CNTNAP4: variants seen among roughly 807,000 people sequenced by gnomAD.
The protein encoded by CNTNAP4 is contactin associated protein family member 4.
Under a neutral mutation model 148.4 loss-of-function variants are expected in CNTNAP4, and 98 were observed. The observed-to-expected ratio is 0.66, with a 90% CI of 0.56 to 0.78. The LOEUF is 0.78. CNTNAP4 is among the 30% of genes least tolerant of loss of function. The probability of loss-of-function intolerance (pLI) is 0.00; values close to 1 mark genes in which losing one functional copy is unlikely to be tolerated. For synonymous variants in CNTNAP4, 730 were observed against 565.1 expected (o/e 1.29, Z -4.14); for missense variants, 1,935 against 1,565.6 (o/e 1.24, Z -3.98).
intron 1 of CNTNAP4, among the ~76,000 whole-genome samples, chr16:76,295,968 A>G (rs949130887): frequency 6.6e-6 from 1 of 152,092 alleles, no homozygotes; most frequent in Non-Finnish European, 1.5e-5. Context: ...GATTACAGAC[A>G]TGTGCCACCA....
chr16:76,344,230 C>G (rs1964724226), intron 2 of CNTNAP4, among the ~76,000 whole-genome samples: 1 of 151,782 alleles, frequency 6.6e-6, no homozygotes, highest in South Asian at 2.1e-4. Context: ...TTATGTCTGT[C>G]CAGTTTGTAG....
chr16:76,462,976 C>T (rs997881698), intron 9 of CNTNAP4, among the ~76,000 whole-genome samples: 7 of 152,040 alleles, frequency 4.6e-5, no homozygotes, highest in South Asian at 2.1e-4. Context: ...TAAGTATTGA[C>T]GGTGAGCACA....
At position 76,394,902 on chromosome 16, in the gene CNTNAP4, A is replaced by G. The variant is rs569417275; in HGVS notation, c.391-32550A>G. 5.8e-4 allele frequency among the ~76,000 whole-genome samples: 89 copies of G among 152,238 alleles called. 1 individual carries two copies. Among genetic ancestry groups the G allele is most frequent in the Middle Eastern group, 6.8e-3 (2 of 292 alleles). On this transcript the variant is annotated intron_variant, in intron 3 of 23. Coordinates refer to ENST00000611870, the MANE Select transcript of CNTNAP4 (RefSeq NM_033401.5). The stretch of plus-strand genomic sequence containing the variant: ...CTCCCCCAGTCTAAACTAACAGGTC[A>G]TAGGTCCTGTTTACTTAGGGCTCTG...
intron 1 of CNTNAP4, among the ~76,000 whole-genome samples, chr16:76,289,151 C>T (rs1166823036): frequency 6.6e-6 from 1 of 152,042 alleles, no homozygotes; most frequent in African/African-American, 2.4e-5. Flanking sequence ...AATAGACAAA[C>T]AAAAGATACA....
intron 6 of CNTNAP4, 75 bp from the exon 7 acceptor site, chr16:76,449,640 T>A: frequency 1.6e-6 from 2 of 1,233,736 alleles, no homozygotes; most frequent in Non-Finnish European, 1.1e-6. Context: ...ATTATAGCTA[T>A]ACTTGCTAAT....
chr16:76,348,805 G>A (rs1965129601), intron 2 of CNTNAP4, among the ~76,000 whole-genome samples: 1 of 151,504 alleles, frequency 6.6e-6, no homozygotes, highest in Admixed American at 6.6e-5. Context: ...GAGAAAAATT[G>A]GAGAGTGATG....
At chr16:76,312,100 A>G (rs1327196296) in intron 1 of CNTNAP4, among the ~76,000 whole-genome samples, 1 of 152,114 alleles carries the variant, frequency 6.6e-6, no homozygotes, top group East Asian at 1.9e-4. Flanking sequence ...TAGTTTTCTG[A>G]GTTGCTTTAC....
intron 2 of CNTNAP4, among the ~76,000 whole-genome samples, chr16:76,328,747 G>T (rs886161998): frequency 2.6e-5 from 4 of 152,116 alleles, no homozygotes; most frequent in African/African-American, 9.7e-5. Flanking sequence ...CCAGGTTCAA[G>T]TGATTCTCCT....
intron 12 of CNTNAP4, among the ~76,000 whole-genome samples, chr16:76,483,144 A>C (rs376568633): frequency 6.6e-6 from 1 of 152,074 alleles, no homozygotes; most frequent in African/African-American, 2.4e-5. Context: ...ATCCGGATCT[A>C]TACACATACA....
chr16:76,513,263 T>C (rs976498539), intron 15 of CNTNAP4, among the ~76,000 whole-genome samples: 1 of 152,152 alleles, frequency 6.6e-6, no homozygotes, highest in African/African-American at 2.4e-5. Flanking sequence ...TCTGCTCTTT[T>C]CTTAGAGATT....
intron 1 of CNTNAP4, among the ~76,000 whole-genome samples, chr16:76,286,376 T>C (rs1958885886): frequency 6.6e-6 from 1 of 152,150 alleles, no homozygotes; most frequent in African/African-American, 2.4e-5. Flanking sequence ...TCCAGTATGC[T>C]TTTAAACCAG....
At chr16:76,344,642 A>G (rs1964758565) in intron 2 of CNTNAP4, among the ~76,000 whole-genome samples, 1 of 152,232 alleles carries the variant, frequency 6.6e-6, no homozygotes, top group South Asian at 2.1e-4. Context: ...CATATTTTTC[A>G]GTGTTGTCAA....
chr16:76,534,883 T>C (rs2084149911), intron 17 of CNTNAP4, among the ~76,000 whole-genome samples: 1 of 152,224 alleles, frequency 6.6e-6, no homozygotes, highest in Admixed American at 6.5e-5. Context: ...TGGTTATGTA[T>C]TCAATAAACG....
intron 1 of CNTNAP4, among the ~76,000 whole-genome samples, chr16:76,280,045 C>T (rs1958628308): frequency 6.6e-6 from 1 of 152,128 alleles, no homozygotes; most frequent in Non-Finnish European, 1.5e-5. Context: ...TCCAATAATT[C>T]TTCTGGACAA....
intron 17 of CNTNAP4, among the ~76,000 whole-genome samples, chr16:76,522,731 C>CTTTTCTTTTCTTTTCTTTTCTTTTT (rs1228281662): frequency 2.8e-5 from 2 of 70,880 alleles, no homozygotes; most frequent in Non-Finnish European, 5.4e-5. Context: ...CTTTTCTTTT[C>CTTTTCTTTTCTTTTCTTTTCTTTTT]TTTTCTTTTC....
At chr16:76,399,013 A>G (rs951949039) in intron 3 of CNTNAP4, among the ~76,000 whole-genome samples, 15 of 151,976 alleles carry the variant, frequency 9.9e-5, no homozygotes, top group Admixed American at 7.9e-4. Context: ...AATAAGTCTC[A>G]CCGGATCTGA....
rs7195774 is a variant in CNTNAP4, at chr16:76,331,032, C to T, written c.196+14509C>T. Among the ~76,000 whole-genome samples, 491 of 151,986 alleles carry T rather than the reference C, an allele frequency of 3.2e-3. 1 individual carries two copies. Among genetic ancestry groups the T allele is most frequent in the African/African-American group, 0.011 (449 of 41,466 alleles). The stretch of plus-strand genomic sequence containing the variant: ...GAAATTCACATAACATACAATTAAC[C>T]ATTGTAAAGTATAAAATTTGGTGGC... On this transcript the variant is annotated intron_variant, in intron 2 of 23. Coordinates refer to ENST00000611870, the MANE Select transcript of CNTNAP4 (RefSeq NM_033401.5).
chr16:76,474,315 G>C (rs2081483597), intron 10 of CNTNAP4, among the ~76,000 whole-genome samples: 2 of 152,282 alleles, frequency 1.3e-5, no homozygotes, highest in East Asian at 3.9e-4. Flanking sequence ...ATTTACATCT[G>C]AAGGGGACAA....
chr16:76,464,529 A>C (rs916993134), intron 9 of CNTNAP4, among the ~76,000 whole-genome samples: 3 of 152,112 alleles, frequency 2.0e-5, no homozygotes, highest in Non-Finnish European at 4.4e-5. Context: ...TCTAGGTGGA[A>C]AGTGTTTTTT....
Sources: gnomAD v4.1 joint callset for allele counts (sites outside exome capture counted in the v4.1 genomes callset) on GRCh38, gnomAD v4.1.1 for gene constraint, MANE v1.5 for transcripts, NCBI Gene and HGNC (gene_info 2026-07-23, HGNC 2026-07-21) for gene names.